PAQR6: variants seen among roughly 807,000 people sequenced by gnomAD.
PAQR6 encodes progestin and adipoQ receptor family member 6, also known as membrane progestin receptor delta.
In PAQR6, 34 loss-of-function variants were observed where a neutral mutation model predicts 36.2. The observed-to-expected ratio is 0.94, with a 90% confidence interval of 0.71 to 1.25. The LOEUF is 1.25. PAQR6 is among the 50% of genes most tolerant of loss of function. The pLI is 0.00. For missense variants in PAQR6, 431 were observed against 445.7 expected (o/e 0.97, Z 0.30); for synonymous variants, 190 against 190.7 (o/e 1.00, Z 0.03).
intron 7 of PAQR6, 65 bp downstream of exon 7, chr1:156,244,696 C>G: frequency 6.2e-7 from 1 of 1,612,470 alleles, no homozygotes; most frequent in Non-Finnish European, 8.5e-7. Context: ...TTACCCAGTT[C>G]ATTCTGTGCT....
rs530126205 is a variant in PAQR6, at chr1:156,244,892, C to T, written c.629G>A (p.Arg210Lys). 2.9e-5 allele frequency: 47 copies of T among 1,612,816 alleles called. No individual in the cohort carries two copies. In the Admixed American group the frequency reaches 5.3e-4, roughly 18 times the overall value. The part of the protein sequence containing the change: ...LFYRLGLCWG[R>K]GHGCGQEALS... ...GGCCTCCTGCCCACAGCCGTGGCCC[C>T]TGCCCCAGCACAGCCCGAGCTGTCA... Residue 210 changes from arginine to lysine, a missense_variant, in exon 7 of 8, where the codon AGG becomes AAG. Coordinates refer to ENST00000292291, the MANE Select transcript of PAQR6 (RefSeq NM_198406.3).
rs11552748 is a variant in PAQR6 at position 156,245,648 on chromosome 1, G to A, written c.399C>T (p.Pro133=). 18 of 1,613,136 alleles carry A rather than the reference G, an allele frequency of 1.1e-5. No individual in the cohort carries two copies. Among genetic ancestry groups the A allele is most frequent in the Non-Finnish European group, 1.4e-5 (17 of 1,179,878 alleles). Residue 133 remains proline, a synonymous_variant, in exon 5 of 8, where the codon CCC becomes CCT. Coordinates refer to ENST00000292291, the MANE Select transcript of PAQR6 (RefSeq NM_198406.3). ...LSLYSLGCAF[P]YAAYSMPASW... Reference sequence around the variant, plus strand: ...AGGCCGGCATGGAGTAGGCGGCATAGGGGAAGGCGCAGCCTGCGGTGAGGT... The same window carrying A: ...AGGCCGGCATGGAGTAGGCGGCATAAGGGAAGGCGCAGCCTGCGGTGAGGT...
Position 156,246,210 on chromosome 1 carries a change from G to A in PAQR6, c.92C>T (p.Pro31Leu). The A allele has an allele frequency of 1.2e-6, 2 of 1,613,742 alleles. No homozygotes were observed. The highest frequency in any genetic ancestry group is 1.7e-6 in the Non-Finnish European group (2 of 1,179,994). ...GACACAGTCCAAAGCCGAGCTGGTG[G>A]GGCGGCGGTAGCCAGACATGATGCC... ...EDGIMSGYRR[P>L]TSSALDCVLS... The change falls in exon 3 of 8, where the codon CCC (proline) becomes CTC (leucine). Residue 31 changes from proline to leucine, a missense_variant. Physicochemically the swap from Pro to Leu is moderately conservative, Grantham distance 98. Coordinates refer to ENST00000292291, the MANE Select transcript of PAQR6 (RefSeq NM_198406.3).
intron 3 of PAQR6, 28 bp from the exon 4 acceptor site, chr1:156,246,015 G>A (rs1355890890): frequency 6.4e-7 from 1 of 1,571,738 alleles, no homozygotes; most frequent in Non-Finnish European, 8.6e-7. Flanking sequence ...TCAGGCCGCC[G>A]CGGACCCCCG....
In PAQR6 at chr1:156,245,878, C is replaced by T. The variant is rs771655822; in HGVS notation, c.289G>A (p.Ala97Thr). The change falls in exon 4 of 8, where the codon GCG becomes ACG. Residue 97 changes from alanine (A) to threonine (T), a missense_variant. Coordinates refer to ENST00000292291, the MANE Select transcript of PAQR6 (RefSeq NM_198406.3). The part of the protein sequence containing the change: ...FLLPACLYPF[A>T]SCCAHTFSSM... Reference sequence around the variant, plus strand: ...CTGAAGGTGTGCGCGCAGCACGACGCGAAGGGGTAGAGGCAGGCGGGCAGC... The same window carrying T: ...CTGAAGGTGTGCGCGCAGCACGACGTGAAGGGGTAGAGGCAGGCGGGCAGC... The T allele has an allele frequency of 6.2e-7, 1 of 1,600,136 alleles. No individual in the cohort carries two copies. The highest frequency in any genetic ancestry group is 8.5e-7 in the Non-Finnish European group (1 of 1,174,242).
intron 3 of PAQR6, 21 bp from the exon 4 acceptor site, chr1:156,246,008 G>A (rs1327757994): frequency 2.7e-5 from 43 of 1,566,416 alleles, no homozygotes; most frequent in Non-Finnish European, 3.7e-5. Flanking sequence ...CGCGTGCTCA[G>A]GCCGCCGCGG....
At position 156,243,570 on chromosome 1, in the gene PAQR6, G is replaced by T; in HGVS notation, c.*559C>A. 1 of 483,304 alleles carries T rather than the reference G, an allele frequency of 2.1e-6. No homozygotes were observed. Among genetic ancestry groups the T allele is most frequent in the Non-Finnish European group, 3.6e-6 (1 of 275,338 alleles). 29.9% of individuals were successfully genotyped at this position (483,304 alleles called of 1,614,324 possible). A position where few individuals can be genotyped will look rare whatever the true frequency, so the allele number is the denominator to read the frequency against. On this transcript the variant is annotated 3_prime_UTR_variant, in exon 8 of 8. Coordinates refer to ENST00000292291, the MANE Select transcript of PAQR6 (RefSeq NM_198406.3). ...AACCATCCATAATGCACCCAGATAG[G>T]CCCACCCCCAAAAGCCTGGACACCT...
Position 156,245,516 on chromosome 1 carries a change from G to C in PAQR6, c.512+19C>G, listed in dbSNP as rs1295271124. The C allele has an allele frequency of 1.9e-6, 3 of 1,611,588 alleles. No homozygotes were observed. The highest frequency in any genetic ancestry group is 1.7e-5 in the Admixed American group (1 of 59,992). On this transcript the variant is annotated intron_variant, in intron 5 of 7. Coordinates refer to ENST00000292291, the MANE Select transcript of PAQR6 (RefSeq NM_198406.3). ...GCCTCCGCCTTCCCCGTCCCCACTG[G>C]AGGGGCCTGGGAACCCACCGGGAGT...
At chr1:156,246,020 C>A in intron 3 of PAQR6, 33 bp from the exon 4 acceptor site, 1 of 1,577,714 alleles carries the variant, frequency 6.3e-7, no homozygotes, top group Non-Finnish European at 8.6e-7. Context: ...CCGCCGCGGA[C>A]CCCCGCGACT....
In PAQR6 at chr1:156,246,753, T is replaced by C. The variant is rs1224963525; in HGVS notation, c.-22A>G. 1.9e-6 allele frequency: 3 copies of C among 1,612,726 alleles called. No individual in the cohort carries two copies. Among genetic ancestry groups the C allele is most frequent in the Non-Finnish European group, 2.5e-6 (3 of 1,179,368 alleles). ...GCATGGTGGCCTGGTACCTCCACGTTGACCTAGAGACAGAGTGGGAGGTAG... is the reference window on the plus strand; with the variant it reads ...GCATGGTGGCCTGGTACCTCCACGTCGACCTAGAGACAGAGTGGGAGGTAG... On this transcript the variant is annotated 5_prime_UTR_variant, in exon 2 of 8. Coordinates refer to ENST00000292291, the MANE Select transcript of PAQR6 (RefSeq NM_198406.3).
At chr1:156,245,474 G>A in intron 5 of PAQR6, 61 bp downstream of exon 5, 1 of 1,597,848 alleles carries the variant, frequency 6.3e-7, no homozygotes, top group Non-Finnish European at 8.5e-7. Context: ...AGAGCAGTGA[G>A]GTGTGTCCTC....
At position 156,244,319 on chromosome 1, in the gene PAQR6, C is replaced by T. The variant is rs531768547; in HGVS notation, c.845G>A (p.Arg282His). The change falls in exon 8 of 8, where the codon CGC becomes CAC. Residue 282 changes from arginine to histidine, a missense_variant. Arg to His is a conservative substitution (Grantham distance 29). Coordinates refer to ENST00000292291, the MANE Select transcript of PAQR6 (RefSeq NM_198406.3). ...LEAVLADMGS[R>H]RAWLATQEPA... is the part of the protein sequence containing the mutation. ...TTCCTGTGTGGCCAGCCAGGCTCTG[C>T]GTGATCCCATATCAGCCAGCACTGC... The T allele has an allele frequency of 5.0e-6, 8 of 1,610,982 alleles. 1 individual carries two copies. The highest frequency in any genetic ancestry group is 2.2e-5 in the East Asian group (1 of 44,768).
In PAQR6 at chr1:156,245,553, C is replaced by A. The variant is rs1660267098; in HGVS notation, c.494G>T (p.Gly165Val). 1.9e-6 allele frequency: 3 copies of A among 1,612,290 alleles called. No homozygotes were observed. The highest frequency in any genetic ancestry group is 2.5e-6 in the Non-Finnish European group (3 of 1,180,006). ...AAALNSFLCT[G>V]LSCYSRFLEL... is the part of the protein sequence containing the mutation. ...AACCCACCGGGAGTAGCAGGAGAGG[C>A]CGGTGCACAGGAAGGAGTTGAGTGC... The change falls in exon 5 of 8, where the codon GGC becomes GTC. Residue 165 changes from glycine (G) to valine (V), a missense_variant. Gly to Val is a moderately radical substitution (Grantham distance 109). Coordinates refer to ENST00000292291, the MANE Select transcript of PAQR6 (RefSeq NM_198406.3).
At chr1:156,244,956 G>A (rs1429298729) in intron 6 of PAQR6, 45 bp from the exon 7 acceptor site, 19 of 1,599,040 alleles carry the variant, frequency 1.2e-5, no homozygotes, top group Non-Finnish European at 1.4e-5. Flanking sequence ...CTCGGGAGCC[G>A]AAACATGGGG....
rs779003861 is a variant in PAQR6 at position 156,243,974 on chromosome 1, CCTCTT to C, written c.*150_*154del. The C allele has an allele frequency of 6.2e-7, 1 of 1,614,238 alleles. No homozygotes were observed. The highest frequency in any genetic ancestry group is 8.5e-7 in the Non-Finnish European group (1 of 1,180,038). On this transcript the variant is annotated 3_prime_UTR_variant, in exon 8 of 8. Coordinates refer to ENST00000292291, the MANE Select transcript of PAQR6 (RefSeq NM_198406.3). The stretch of plus-strand genomic sequence containing the variant: ...TCTGCCAGTCCCCCTAGACACCCCT[CCTCTT>C]CTCTGCCCTCTCTCCTGTGCCCTCT...
At chr1:156,247,027 G>T (rs988454558) in intron 1 of PAQR6, among the ~76,000 whole-genome samples, 2 of 152,086 alleles carry the variant, frequency 1.3e-5, no homozygotes, top group African/African-American at 4.8e-5. Context: ...GGTCCTCCCA[G>T]CCGGGAGGCT....
rs771585453 is a variant in PAQR6, at chr1:156,244,194, G to C, written c.970C>G (p.Pro324Ala). 16 of 1,612,970 alleles carry C rather than the reference G, an allele frequency of 9.9e-6. No individual in the cohort carries two copies. Among genetic ancestry groups the C allele is most frequent in the Non-Finnish European group, 1.4e-5 (16 of 1,179,192 alleles). The change falls in exon 8 of 8, where the codon CCC becomes GCC. Residue 324 changes from proline to alanine, a missense_variant. Coordinates refer to ENST00000292291, the MANE Select transcript of PAQR6 (RefSeq NM_198406.3). ...AAFTATLLRA[P>A]STCPLLQGGP... Reference sequence around the variant, plus strand: ...CCCTGCAGCAGAGGGCATGTACTGGGGGCCCGAAGCAGGGTGGCTGTGAAA... The same window carrying C: ...CCCTGCAGCAGAGGGCATGTACTGGCGGCCCGAAGCAGGGTGGCTGTGAAA...
intron 6 of PAQR6, 93 bp from the exon 7 acceptor site, chr1:156,245,004 C>A (rs1660101315): frequency 1.3e-6 from 2 of 1,593,178 alleles, no homozygotes. Flanking sequence ...AGCGGGCGGG[C>A]ACAGCTAGGC....
At chr1:156,245,494 T>TC in intron 5 of PAQR6, 41 bp downstream of exon 5, 1 of 1,608,166 alleles carries the variant, frequency 6.2e-7, no homozygotes, top group Non-Finnish European at 8.5e-7. Flanking sequence ...CTCCTGTGCC[T>TC]CCGCCTTCCC....
Sources: allele counts gnomAD v4.1 joint callset (sites outside exome capture counted in the v4.1 genomes callset), GRCh38; gene constraint gnomAD v4.1.1; transcripts MANE v1.5; gene names NCBI Gene and HGNC (gene_info 2026-07-23, HGNC 2026-07-21).